Variants in KIAA1549L observed in about 807,000 individuals in gnomAD.
KIAA1549L encodes UPF0606 protein KIAA1549L.
A neutral mutation model predicts 160.7 loss-of-function variants in KIAA1549L; 88 were observed. That is an observed-to-expected ratio of 0.55 (90% confidence interval 0.46 to 0.65). KIAA1549L has a LOEUF of 0.65. Among genes scored for constraint, KIAA1549L ranks in the 30% least tolerant of loss-of-function variants. The pLI is 0.00. For synonymous variants in KIAA1549L, 950 were observed against 976.7 expected (o/e 0.97, Z 0.51); for missense variants, 2,258 against 2,437.5 (o/e 0.93, Z 1.55).
Position 33,512,119 on chromosome 11 carries a change from A to T in KIAA1549L, c.239-29683A>T, listed in dbSNP as rs112734434. 2.0e-5 allele frequency among the ~76,000 whole-genome samples: 3 copies of T among 152,304 alleles called. 1 individual carries two copies. The highest frequency in any genetic ancestry group is 7.2e-5 in the African/African-American group (3 of 41,564). On this transcript the variant is annotated intron_variant, in intron 1 of 20. Transcript: ENST00000658780. Reference sequence around the variant, plus strand: ...GAATATTCTAATTTTAGCACTCTAGAGGGTCACGTAAAATGTCAGTGGCCA... The same window carrying T: ...GAATATTCTAATTTTAGCACTCTAGTGGGTCACGTAAAATGTCAGTGGCCA...
intron 1 of KIAA1549L, among the ~76,000 whole-genome samples, chr11:33,509,972 T>G (rs1222732181): frequency 6.6e-6 from 1 of 152,064 alleles, no homozygotes; most frequent in African/African-American, 2.4e-5. Context: ...CAGGGGAGAA[T>G]TCTACACACA....
At position 33,544,130 on chromosome 11, in the gene KIAA1549L, G is replaced by A; in HGVS notation, c.2567G>A (p.Ser856Asn). Residue 856 changes from serine to asparagine, a missense_variant, in exon 2 of 21, where the codon AGC (serine) becomes AAC (asparagine). This residue lies in a region of KIAA1549L where 287 missense variants were observed against 292.3 expected (regional missense o/e 0.98). Transcript: ENST00000658780. ...LTSPGPTSTG[S>N]LQEMLSDGTD... The stretch of plus-strand genomic sequence containing the variant: ...TCACCAGGACCAACTTCTACAGGTA[G>A]CTTGCAGGAAATGCTTTCAGATGGA... The A allele has an allele frequency of 6.2e-7, 1 of 1,613,970 alleles. No homozygotes were observed. The highest frequency in any genetic ancestry group is 1.3e-5 in the African/African-American group (1 of 75,016).
intron 1 of KIAA1549L, among the ~76,000 whole-genome samples, chr11:33,515,752 C>T (rs1853329352): frequency 6.6e-6 from 1 of 152,210 alleles, no homozygotes; most frequent in South Asian, 2.1e-4. Flanking sequence ...AACCTCCTCC[C>T]TTTGCTTCTC....
chr11:33,569,954 A>G (rs1855187292), intron 9 of KIAA1549L, among the ~76,000 whole-genome samples: 1 of 150,476 alleles, frequency 6.6e-6, no homozygotes, highest in Admixed American at 6.6e-5. Flanking sequence ...AACCTAACAC[A>G]TTTTGCATGC....
chr11:33,524,246 G>A (rs2133132303), intron 1 of KIAA1549L, among the ~76,000 whole-genome samples: 1 of 152,156 alleles, frequency 6.6e-6, no homozygotes, highest in East Asian at 1.9e-4. Context: ...AGAGTTGCAG[G>A]TGGAATTCGC....
intron 1 of KIAA1549L, among the ~76,000 whole-genome samples, chr11:33,495,074 A>G (rs926244249): frequency 8.6e-5 from 13 of 151,956 alleles, no homozygotes; most frequent in African/African-American, 3.1e-4. Flanking sequence ...TTAGAATGGC[A>G]TTTGCTACTT....
intron 9 of KIAA1549L, among the ~76,000 whole-genome samples, chr11:33,574,325 G>C (rs1855370709): frequency 6.6e-6 from 1 of 151,994 alleles, no homozygotes; most frequent in Non-Finnish European, 1.5e-5. Context: ...TCCCTTTCTG[G>C]CAATTACAGA....
At chr11:33,570,771 A>C (rs1855226637) in intron 9 of KIAA1549L, among the ~76,000 whole-genome samples, 1 of 152,234 alleles carries the variant, frequency 6.6e-6, no homozygotes, top group Non-Finnish European at 1.5e-5. Flanking sequence ...ACATGTGACC[A>C]CTAAAAATTT....
At chr11:33,635,030 C>T (rs957738851) in intron 16 of KIAA1549L, among the ~76,000 whole-genome samples, 1 of 152,162 alleles carries the variant, frequency 6.6e-6, no homozygotes, top group Non-Finnish European at 1.5e-5. Flanking sequence ...TGAGGGGAAC[C>T]AATCTCACTT....
chr11:33,529,188 G>T (rs1436754167), intron 1 of KIAA1549L, among the ~76,000 whole-genome samples: 2 of 152,140 alleles, frequency 1.3e-5, no homozygotes, highest in South Asian at 2.1e-4. Flanking sequence ...ATACAAAAAT[G>T]AGACGAGTGT....
At chr11:33,458,900 A>G (rs1424412474) in intron 1 of KIAA1549L, among the ~76,000 whole-genome samples, 2 of 152,224 alleles carry the variant, frequency 1.3e-5, no homozygotes, top group African/African-American at 2.4e-5. Context: ...AACAGTGTTA[A>G]ACTTCAGAGC....
At chr11:33,434,233 C>G (rs1440057083) in intron 1 of KIAA1549L, among the ~76,000 whole-genome samples, 1 of 151,972 alleles carries the variant, frequency 6.6e-6, no homozygotes, top group South Asian at 2.1e-4. Context: ...CCATACTGTT[C>G]TCGTGGTAGT....
At chr11:33,570,277 C>G (rs993950499) in intron 9 of KIAA1549L, among the ~76,000 whole-genome samples, 1 of 152,170 alleles carries the variant, frequency 6.6e-6, no homozygotes, top group Admixed American at 6.5e-5. Flanking sequence ...GCTGGGATTA[C>G]AGGTGTGAGC....
chr11:33,521,006 A>T (rs1289222267), intron 1 of KIAA1549L, among the ~76,000 whole-genome samples: 1 of 152,056 alleles, frequency 6.6e-6, no homozygotes, highest in Non-Finnish European at 1.5e-5. Flanking sequence ...CTACAAAAAA[A>T]AAAGTACAAA....
chr11:33,420,206 C>A (rs1850978148), intron 1 of KIAA1549L, among the ~76,000 whole-genome samples: 1 of 142,056 alleles, frequency 7.0e-6, no homozygotes. Context: ...TGTTAAGAAT[C>A]TTGGTTTGTA....
chr11:33,602,294 C>A (rs4360676), intron 13 of KIAA1549L, among the ~76,000 whole-genome samples: 1 of 152,120 alleles, frequency 6.6e-6, no homozygotes, highest in Admixed American at 6.5e-5. Context: ...TATGGGGCAT[C>A]TGGAATTAAA....
At chr11:33,551,534 ATTTC>A (rs1300681601) in intron 5 of KIAA1549L, among the ~76,000 whole-genome samples, 6 of 151,682 alleles carry the variant, frequency 4.0e-5, no homozygotes, top group Non-Finnish European at 1.5e-5. Flanking sequence ...TATATTTTAT[ATTTC>A]TTTCTATATT....
chr11:33,503,946 C>G lies in KIAA1549L; in HGVS notation c.239-37856C>G, dbSNP rs181809637. On this transcript the variant is annotated intron_variant, in intron 1 of 20. Transcript: ENST00000658780. ...ACATTCACAAAGTTTTGCCTTCAAA[C>G]TGCCTAAAGAATTGTTATATTAAAA... Among the ~76,000 whole-genome samples the G allele has an allele frequency of 9.4e-4, 143 of 152,360 alleles. 1 individual carries two copies. The highest frequency in any genetic ancestry group is 3.3e-3 in the African/African-American group (138 of 41,584).
At position 33,592,826 on chromosome 11, in the gene KIAA1549L, A is replaced by G. The variant is rs941893061; in HGVS notation, c.4751+1405A>G. Among the ~76,000 whole-genome samples, 6 of 152,248 alleles carry G rather than the reference A, an allele frequency of 3.9e-5. No individual in the cohort carries two copies. In the East Asian group the frequency reaches 9.6e-4, roughly 24 times the overall value. ...GGGAAGACTTTTTTGATAAAGTGAC[A>G]TTTGAGAAAGACCTGATTGAGGTAT... On this transcript the variant is annotated intron_variant, in intron 12 of 20. Transcript: ENST00000658780.
Sources: allele counts gnomAD v4.1 joint callset (sites outside exome capture counted in the v4.1 genomes callset), GRCh38; gene constraint gnomAD v4.1.1; regional missense constraint gnomAD v4.1.1; transcripts MANE v1.5; gene names NCBI Gene and HGNC (gene_info 2026-07-23, HGNC 2026-07-21).